Variants in CNBD1 observed in about 807,000 individuals in gnomAD.
CNBD1 encodes the protein cyclic nucleotide-binding domain-containing protein 1.
CNBD1 carries 71 observed loss-of-function variants against 54.4 expected under a neutral mutation model. The observed-to-expected ratio is 1.30, with a 90% CI of 1.08 to 1.59. CNBD1 has a LOEUF of 1.59. Ranked by LOEUF, CNBD1 falls within the 40% of genes most tolerant of loss-of-function variation. CNBD1 has a pLI of 0.00. For synonymous variants in CNBD1, 182 were observed against 170.7 expected (o/e 1.07, Z -0.51); for missense variants, 659 against 518.0 (o/e 1.27, Z -2.64).
At chr8:87,375,591 A>G (rs1198474556) in intron 10 of CNBD1, among the ~76,000 whole-genome samples, 1 of 151,852 alleles carries the variant, frequency 6.6e-6, no homozygotes, top group East Asian at 1.9e-4. Context: ...TTAGGCTATC[A>G]TAGGAACCGA....
chr8:87,249,836 A>G (rs1807877787), intron 6 of CNBD1, among the ~76,000 whole-genome samples: 1 of 152,192 alleles, frequency 6.6e-6, no homozygotes, highest in Non-Finnish European at 1.5e-5. Flanking sequence ...TTATAAAAAC[A>G]GGACCCTTGA....
chr8:86,892,309 A>C (rs1050528921), intron 2 of CNBD1, among the ~76,000 whole-genome samples: 2 of 152,124 alleles, frequency 1.3e-5, no homozygotes, highest in Non-Finnish European at 2.9e-5. Flanking sequence ...GGATACTTAT[A>C]AAAACTATCA....
chr8:86,998,725 T>C (rs1808932234), intron 4 of CNBD1, among the ~76,000 whole-genome samples: 1 of 152,188 alleles, frequency 6.6e-6, no homozygotes, highest in Non-Finnish European at 1.5e-5. Context: ...CTACATCTTT[T>C]GAATGATTTG....
intron 4 of CNBD1, among the ~76,000 whole-genome samples, chr8:86,961,478 C>G (rs143447948): frequency 2.6e-5 from 4 of 152,332 alleles, no homozygotes; most frequent in Non-Finnish European, 4.4e-5. Flanking sequence ...ACTCCAGATT[C>G]CATACAATAT....
At chr8:87,337,504 G>A (rs533049662) in intron 8 of CNBD1, among the ~76,000 whole-genome samples, 2 of 152,340 alleles carry the variant, frequency 1.3e-5, no homozygotes, top group Non-Finnish European at 1.5e-5. Flanking sequence ...CAGCAGTGGT[G>A]ATGGCCATTC....
chr8:87,213,172 A>T (rs1437644984), intron 5 of CNBD1, among the ~76,000 whole-genome samples: 1 of 152,228 alleles, frequency 6.6e-6, no homozygotes, highest in African/African-American at 2.4e-5. Flanking sequence ...CCCCACTAAC[A>T]TGATTAAAAT....
At chr8:87,205,954 G>A (rs1813962761) in intron 4 of CNBD1, 39 bp from the exon 5 acceptor site, 2 of 1,419,540 alleles carry the variant, frequency 1.4e-6, no homozygotes, top group Non-Finnish European at 9.2e-7. Flanking sequence ...TTGCATTTAT[G>A]CCATGGTCTC....
At chr8:87,246,532 C>T (rs1807807885) in intron 6 of CNBD1, among the ~76,000 whole-genome samples, 1 of 152,094 alleles carries the variant, frequency 6.6e-6, no homozygotes, top group Non-Finnish European at 1.5e-5. Flanking sequence ...CTGCTAATGA[C>T]TTAAACAATA....
chr8:87,309,681 A>G (rs918223598), intron 8 of CNBD1, among the ~76,000 whole-genome samples: 2 of 152,220 alleles, frequency 1.3e-5, no homozygotes, highest in Non-Finnish European at 2.9e-5. Context: ...ATGAATAACT[A>G]TATCTACATA....
chr8:87,146,677 T>C (rs962197393), intron 4 of CNBD1, among the ~76,000 whole-genome samples: 26 of 152,080 alleles, frequency 1.7e-4, no homozygotes, highest in Admixed American at 1.7e-3. Flanking sequence ...CTTTTTCTCT[T>C]ACTCCTGTCC....
chr8:87,326,393 G>A lies in CNBD1; in HGVS notation c.1043-25292G>A, dbSNP rs948466120. Among the ~76,000 whole-genome samples the A allele has an allele frequency of 7.8e-4, 99 of 126,234 alleles. 11 individuals carry two copies. The highest frequency in any genetic ancestry group is 2.7e-3 in the African/African-American group (95 of 34,704). 82.8% of individuals were successfully genotyped at this position (126,234 alleles called of 152,430 possible). On this transcript the variant is annotated intron_variant, in intron 8 of 10. Coordinates refer to ENST00000518476, the MANE Select transcript of CNBD1 (RefSeq NM_173538.3). Reference sequence around the variant, plus strand: ...AAGTTCTCCTGGATAATATCCTGTAGAGTGTTTTCCAACTTGGTTCCATTC... The same window carrying A: ...AAGTTCTCCTGGATAATATCCTGTAAAGTGTTTTCCAACTTGGTTCCATTC...
intron 4 of CNBD1, among the ~76,000 whole-genome samples, chr8:87,110,389 C>A (rs199867995): frequency 1.3e-5 from 2 of 152,220 alleles, no homozygotes; most frequent in South Asian, 2.1e-4. Context: ...TTGCTCTGGA[C>A]CCCACCCAAA....
chr8:87,396,503 C>T (rs749198369), intron 2 of CNBD1, among the ~76,000 whole-genome samples: 10 of 151,676 alleles, frequency 6.6e-5, no homozygotes, highest in Non-Finnish European at 7.4e-5. Context: ...GTAAGTCTTC[C>T]GTGGCACAGA....
chr8:87,378,159 T>G (rs1249765024), intron 10 of CNBD1, among the ~76,000 whole-genome samples: 18 of 141,882 alleles, frequency 1.3e-4, no homozygotes, highest in South Asian at 2.3e-4. Flanking sequence ...TTAGTTTAAT[T>G]AGATCCCATT....
At chr8:87,411,054 C>T (rs866730022) in intron 2 of CNBD1, among the ~76,000 whole-genome samples, 1 of 151,760 alleles carries the variant, frequency 6.6e-6, no homozygotes, top group Admixed American at 6.6e-5. Context: ...TTTGGGAAAC[C>T]AAAATTTGTG....
intron 4 of CNBD1, among the ~76,000 whole-genome samples, chr8:87,183,185 A>T (rs1311114887): frequency 2.0e-5 from 3 of 151,856 alleles, no homozygotes; most frequent in Non-Finnish European, 4.4e-5. Flanking sequence ...ATTTTTGTTG[A>T]CTTTGTCAAA....
intron 8 of CNBD1, among the ~76,000 whole-genome samples, chr8:87,312,941 G>C (rs775018229): frequency 1.2e-4 from 18 of 152,036 alleles, no homozygotes; most frequent in Non-Finnish European, 8.8e-5. Flanking sequence ...TTTACATGCA[G>C]TTAGTATTCA....
At chr8:87,134,279 A>C (rs560787669) in intron 4 of CNBD1, among the ~76,000 whole-genome samples, 3 of 152,284 alleles carry the variant, frequency 2.0e-5, no homozygotes, top group Non-Finnish European at 4.4e-5. Context: ...ATTAGTTATA[A>C]AATCAGGAAG....
At chr8:87,385,324 C>A (rs531939686), downstream of CNBD1, among the ~76,000 whole-genome samples, 1 of 152,028 alleles carries the variant, frequency 6.6e-6, no homozygotes, top group Admixed American at 6.5e-5. Context: ...GGCAAGGCAT[C>A]GCCTCACCCG....
Sources: gnomAD v4.1 joint callset for allele counts (sites outside exome capture counted in the v4.1 genomes callset) on GRCh38, gnomAD v4.1.1 for gene constraint, MANE v1.5 for transcripts, NCBI Gene and HGNC (gene_info 2026-07-23, HGNC 2026-07-21) for gene names.